COBLL1: variants seen among roughly 807,000 people sequenced by gnomAD.
COBLL1 encodes cordon-bleu protein-like 1.
A neutral mutation model predicts 94.8 loss-of-function variants in COBLL1; 50 were observed. The ratio of observed to expected loss-of-function variants is 0.53; its 90% CI spans 0.42 to 0.67. The LOEUF (loss-of-function observed/expected upper bound fraction) is 0.67, where lower values mean the gene tolerates loss of function less well. Ranked by LOEUF, COBLL1 falls within the 30% of genes least tolerant of loss-of-function variation. The pLI, the probability that COBLL1 is intolerant of heterozygous loss-of-function variation, is 0.00. For missense variants in COBLL1, 1,362 were observed against 1,348.7 expected (o/e 1.01, Z -0.15); for synonymous variants, 448 against 473.8 (o/e 0.95, Z 0.71).
intron 2 of COBLL1, among the ~76,000 whole-genome samples, chr2:164,819,540 A>T (rs575438215): frequency 3.9e-5 from 6 of 152,164 alleles, no homozygotes; most frequent in Non-Finnish European, 7.4e-5. Context: ...ATTTTTTTTA[A>T]TCAAACTGAA....
chr2:164,741,374 G>A (rs1686586397), intron 3 of COBLL1, among the ~76,000 whole-genome samples: 1 of 151,966 alleles, frequency 6.6e-6, no homozygotes, highest in Non-Finnish European at 1.5e-5. Context: ...CAATCTCCAG[G>A]CTAGGTAGTT....
intron 2 of COBLL1, among the ~76,000 whole-genome samples, chr2:164,836,359 T>C (rs1326643013): frequency 6.6e-6 from 1 of 152,172 alleles, no homozygotes; most frequent in Non-Finnish European, 1.5e-5. Flanking sequence ...GCATTGAAAT[T>C]TATAGTTTTT....
intron 2 of COBLL1, among the ~76,000 whole-genome samples, chr2:164,815,197 T>G (rs1281628285): frequency 6.6e-6 from 1 of 151,866 alleles, no homozygotes; most frequent in Non-Finnish European, 1.5e-5. Flanking sequence ...GTCAGGAGTT[T>G]GAGACCAGCC....
rs565570294 is a variant in COBLL1, at chr2:164,720,167, G to A, written c.996+1908C>T. ...AGCTTCTCTAGGGAAAGACAAATAA[G>A]TCTGGGTCCTACTGAACAATACATC... On this transcript the variant is annotated intron_variant, in intron 7 of 13. Transcript: ENST00000652658. Among the ~76,000 whole-genome samples, 4 of 152,218 alleles carry A rather than the reference G, an allele frequency of 2.6e-5. No homozygotes were observed. In the East Asian group the frequency reaches 7.7e-4, roughly 29 times the overall value.
intron 13 of COBLL1, chr2:164,687,762 A>G (rs1306551628): frequency 2.0e-5 from 11 of 541,730 alleles, no homozygotes; most frequent in Non-Finnish European, 3.7e-5. Flanking sequence ...AACTCAGTAC[A>G]CTTAATTGAC....
At chr2:164,730,435 T>G (rs1430932957) in intron 3 of COBLL1, among the ~76,000 whole-genome samples, 3 of 151,266 alleles carry the variant, frequency 2.0e-5, no homozygotes, top group Non-Finnish European at 4.4e-5. Flanking sequence ...GAAGTTGAGG[T>G]TGCAATGAGC....
intron 2 of COBLL1, among the ~76,000 whole-genome samples, chr2:164,781,231 AC>A (rs1688710694): frequency 6.6e-6 from 1 of 152,206 alleles, no homozygotes; most frequent in African/African-American, 2.4e-5. Flanking sequence ...TTCTTTTTTA[AC>A]CCAAAACCTT....
intron 2 of COBLL1, among the ~76,000 whole-genome samples, chr2:164,758,059 C>T (rs927403470): frequency 1.3e-5 from 2 of 151,956 alleles, no homozygotes; most frequent in Non-Finnish European, 2.9e-5. Flanking sequence ...TTAATGTAAA[C>T]AAACGAGCGA....
At chr2:164,723,322 A>G (rs1685549008) in intron 5 of COBLL1, 1 of 152,222 alleles carries the variant, frequency 6.6e-6, no homozygotes, top group East Asian at 1.9e-4. Context: ...TCCAAAAAGC[A>G]TCTCCTAATA....
intron 2 of COBLL1, among the ~76,000 whole-genome samples, chr2:164,751,383 A>ATT (rs150123523): frequency 4.0e-5 from 6 of 151,174 alleles, no homozygotes; most frequent in Admixed American, 1.3e-4. Context: ...CTCTATGAGC[A>ATT]TTTTTTTTTA....
At chr2:164,742,878 A>G (rs898313189) in intron 3 of COBLL1, among the ~76,000 whole-genome samples, 1 of 152,130 alleles carries the variant, frequency 6.6e-6, no homozygotes, top group African/African-American at 2.4e-5. Context: ...AGAGCGAGCG[A>G]GCGAGCTAAG....
At chr2:164,826,478 T>G (rs1460584911) in intron 2 of COBLL1, among the ~76,000 whole-genome samples, 2 of 152,194 alleles carry the variant, frequency 1.3e-5, no homozygotes, top group African/African-American at 4.8e-5. Context: ...TAGATAATAT[T>G]TAAGATTTCA....
chr2:164,835,071 A>G (rs917877565), intron 2 of COBLL1, among the ~76,000 whole-genome samples: 1 of 151,462 alleles, frequency 6.6e-6, no homozygotes, highest in Non-Finnish European at 1.5e-5. Flanking sequence ...AAAAAAAAAC[A>G]AAACAAAAAA....
intron 2 of COBLL1, among the ~76,000 whole-genome samples, chr2:164,765,760 G>T (rs915984507): frequency 6.6e-6 from 1 of 152,184 alleles, no homozygotes; most frequent in African/African-American, 2.4e-5. Flanking sequence ...AGAAACAAAA[G>T]AAATTACTAA....
intron 2 of COBLL1, among the ~76,000 whole-genome samples, chr2:164,759,419 C>A (rs1262418533): frequency 6.6e-6 from 1 of 151,858 alleles, no homozygotes; most frequent in Non-Finnish European, 1.5e-5. Flanking sequence ...TAAATTGGAT[C>A]TAAATTTAAA....
At chr2:164,785,716 C>A (rs1398947964) in intron 2 of COBLL1, among the ~76,000 whole-genome samples, 2 of 151,830 alleles carry the variant, frequency 1.3e-5, no homozygotes, top group Admixed American at 1.3e-4. Context: ...TTCCAGTCAT[C>A]ATATAACTAT....
intron 4 of COBLL1, among the ~76,000 whole-genome samples, chr2:164,729,046 G>C (rs939218681): frequency 7.3e-5 from 11 of 151,592 alleles, no homozygotes; most frequent in Admixed American, 7.2e-4. Flanking sequence ...AAAAACAGCA[G>C]GGATATGTAA....
Position 164,685,987 on chromosome 2 carries a change from G to T in COBLL1, c.3346C>A (p.Leu1116Ile). The T allele has an allele frequency of 6.2e-7, 1 of 1,609,996 alleles. No individual in the cohort carries two copies. The highest frequency in any genetic ancestry group is 1.3e-5 in the African/African-American group (1 of 74,802). The change falls in exon 14 of 14, where the codon CTC (leucine) becomes ATC (isoleucine). Residue 1116 changes from leucine (L) to isoleucine (I), a missense_variant. Leu to Ile is a conservative substitution (Grantham distance 5). Coordinates refer to ENST00000652658, the MANE Select transcript of COBLL1 (RefSeq NM_001365672.2). ...NTISVNGRSRLSHSMSPDAQD... is the reference protein window; with the variant it reads ...NTISVNGRSRISHSMSPDAQD... ...GCATCAGGGGACATGGAATGGCTGA[G>T]TCTTGACCTTCCATTCACAGATATT...
chr2:164,820,422 T>C lies in COBLL1; in HGVS notation c.41+20734A>G, dbSNP rs76429302. On this transcript the variant is annotated intron_variant, in intron 2 of 13. Coordinates refer to ENST00000652658, the MANE Select transcript of COBLL1 (RefSeq NM_001365672.2). ...TTGTTACAGATTTGGGGTTTTGCCA[T>C]GTTGCCCAGGGTGGTCTTGAAATCC... Among the ~76,000 whole-genome samples the C allele has an allele frequency of 2.8e-3, 421 of 152,122 alleles. 4 individuals carry two copies. Among genetic ancestry groups the C allele is most frequent in the African/African-American group, 9.7e-3 (402 of 41,522 alleles).
Sources: gnomAD v4.1 joint callset for allele counts (sites outside exome capture counted in the v4.1 genomes callset) on GRCh38, gnomAD v4.1.1 for gene constraint, MANE v1.5 for transcripts, NCBI Gene and HGNC (gene_info 2026-07-23, HGNC 2026-07-21) for gene names.